The following GADL1 variants were observed in gnomAD, a reference collection of about 807,000 sequenced individuals.
GADL1 encodes acidic amino acid decarboxylase GADL1.
In GADL1, 71 loss-of-function variants were observed where a neutral mutation model predicts 69.5. That is an observed-to-expected ratio of 1.02 (90% CI 0.84 to 1.25). The LOEUF is 1.25. GADL1 is among the 50% of genes most tolerant of loss of function. The pLI is 0.00. For synonymous variants in GADL1, 254 were observed against 214.4 expected (o/e 1.18, Z -1.62); for missense variants, 737 against 631.8 (o/e 1.17, Z -1.79).
chr3:30,815,750 TA>T (rs1466184318), intron 11 of GADL1, among the ~76,000 whole-genome samples: 3 of 152,230 alleles, frequency 2.0e-5, no homozygotes, highest in Non-Finnish European at 4.4e-5. Context: ...TTTATCTTTC[TA>T]AATCAATGTT....
intron 14 of GADL1, among the ~76,000 whole-genome samples, chr3:30,774,493 G>C (rs898464123): frequency 1.3e-5 from 2 of 152,070 alleles, no homozygotes; most frequent in Non-Finnish European, 2.9e-5. Context: ...ATACCACACT[G>C]TTGCTGTTTT....
chr3:30,800,711 G>C (rs765764408), intron 12 of GADL1, 178 bp downstream of exon 12: 2 of 614,564 alleles, frequency 3.3e-6, no homozygotes, highest in Non-Finnish European at 5.7e-6. Context: ...CTGAGAAAAT[G>C]TGTATTGGAT....
intron 14 of GADL1, among the ~76,000 whole-genome samples, chr3:30,758,132 C>T (rs994527067): frequency 6.6e-6 from 1 of 152,126 alleles, no homozygotes; most frequent in East Asian, 1.9e-4. Context: ...CTGGATGATA[C>T]CAAACTACTC....
At chr3:30,797,198 G>A (rs2125504886) in intron 12 of GADL1, among the ~76,000 whole-genome samples, 1 of 152,216 alleles carries the variant, frequency 6.6e-6, no homozygotes. Context: ...TGAAAGACGT[G>A]GCGAGTAGAC....
At chr3:30,810,255 A>G (rs996314368) in intron 11 of GADL1, among the ~76,000 whole-genome samples, 1 of 152,194 alleles carries the variant, frequency 6.6e-6, no homozygotes, top group Non-Finnish European at 1.5e-5. Flanking sequence ...TTCCCACGAA[A>G]TGTGATTTCC....
At chr3:30,848,748 C>A (rs1360126449) in intron 6 of GADL1, among the ~76,000 whole-genome samples, 1 of 152,164 alleles carries the variant, frequency 6.6e-6, no homozygotes, top group Admixed American at 6.5e-5. Flanking sequence ...CTCCTAGTAA[C>A]AATTATAGTT....
At chr3:30,729,126 A>C (rs1695415220) in intron 14 of GADL1, among the ~76,000 whole-genome samples, 1 of 152,186 alleles carries the variant, frequency 6.6e-6, no homozygotes, top group South Asian at 2.1e-4. Context: ...CTGACATGAG[A>C]AGTACAGGCC....
At chr3:30,782,200 G>C (rs1373497978) in intron 13 of GADL1, among the ~76,000 whole-genome samples, 1 of 152,130 alleles carries the variant, frequency 6.6e-6, no homozygotes, top group Non-Finnish European at 1.5e-5. Context: ...GGAGTCACTG[G>C]AGAGTTTCAC....
At chr3:30,867,178 A>G (rs770204370) in intron 1 of GADL1, among the ~76,000 whole-genome samples, 10 of 151,926 alleles carry the variant, frequency 6.6e-5, no homozygotes, top group Non-Finnish European at 1.2e-4. Context: ...TTCCTACCCA[A>G]AAGGATTCTA....
At chr3:30,768,004 A>T (rs889047803) in intron 14 of GADL1, among the ~76,000 whole-genome samples, 8 of 149,054 alleles carry the variant, frequency 5.4e-5, no homozygotes, top group Non-Finnish European at 1.0e-4. Context: ...AACTTGAGAT[A>T]GGATTTTTTA....
intron 9 of GADL1, among the ~76,000 whole-genome samples, chr3:30,838,085 C>A (rs1387876775): frequency 1.3e-5 from 2 of 151,938 alleles, no homozygotes; most frequent in African/African-American, 4.8e-5. Flanking sequence ...GTGGGTATAT[C>A]CCCCCAAATG....
chr3:30,773,445 AAT>A (rs1696464492), intron 14 of GADL1, among the ~76,000 whole-genome samples: 2 of 152,194 alleles, frequency 1.3e-5, no homozygotes, highest in Non-Finnish European at 2.9e-5. Context: ...AAAATTTTCA[AAT>A]TGCAGAGAAA....
At chr3:30,810,688 C>A (rs1253275920) in intron 11 of GADL1, among the ~76,000 whole-genome samples, 1 of 152,132 alleles carries the variant, frequency 6.6e-6, no homozygotes, top group African/African-American at 2.4e-5. Flanking sequence ...GGGCAATACT[C>A]CCCAGGTCCC....
At chr3:30,753,892 G>A (rs1184090218) in intron 14 of GADL1, among the ~76,000 whole-genome samples, 1 of 152,120 alleles carries the variant, frequency 6.6e-6, no homozygotes, top group African/African-American at 2.4e-5. Context: ...CTGCAAATGA[G>A]GTAACTAGAC....
intron 14 of GADL1, among the ~76,000 whole-genome samples, chr3:30,761,466 T>TG (rs922048341): frequency 1.1e-4 from 15 of 130,440 alleles, no homozygotes; most frequent in African/African-American, 2.0e-4. Flanking sequence ...CTACAGAACC[T>TG]GGGGGATAGA....
chr3:30,883,153 A>G (rs1698663778), intron 1 of GADL1, among the ~76,000 whole-genome samples: 1 of 151,854 alleles, frequency 6.6e-6, no homozygotes, highest in Non-Finnish European at 1.5e-5. Flanking sequence ...TTTACGTGTG[A>G]TGTAGTCTCA....
intron 14 of GADL1, among the ~76,000 whole-genome samples, chr3:30,745,582 A>G (rs1695690531): frequency 6.6e-6 from 1 of 152,216 alleles, no homozygotes; most frequent in Non-Finnish European, 1.5e-5. Context: ...TTAAACTCAG[A>G]TTGAGACATC....
chr3:30,872,143 A>AG (rs1239499537), intron 1 of GADL1, among the ~76,000 whole-genome samples: 1 of 151,982 alleles, frequency 6.6e-6, no homozygotes, highest in Non-Finnish European at 1.5e-5. Context: ...GTACAAATTC[A>AG]GCTTGAAAAC....
chr3:30,752,381 T>G (rs1197528535), intron 14 of GADL1, among the ~76,000 whole-genome samples: 1 of 151,736 alleles, frequency 6.6e-6, no homozygotes, highest in East Asian at 1.9e-4. Flanking sequence ...TGGTGCACCT[T>G]GCATGGAGAT....
Sources: allele counts gnomAD v4.1 joint callset (sites outside exome capture counted in the v4.1 genomes callset), GRCh38; gene constraint gnomAD v4.1.1; transcripts MANE v1.5; gene names NCBI Gene and HGNC (gene_info 2026-07-23, HGNC 2026-07-21).